Variants in ADAM12 observed in about 807,000 individuals in gnomAD.
ADAM12 encodes ADAM metallopeptidase domain 12, also known as disintegrin and metalloproteinase domain-containing protein 12.
Under a neutral mutation model 106.4 loss-of-function variants are expected in ADAM12, and 70 were observed. The ratio of observed to expected loss-of-function variants is 0.66; its 90% CI spans 0.54 to 0.80. The LOEUF is 0.80. ADAM12 is among the 30% of genes least tolerant of loss of function. ADAM12 has a pLI of 0.00. For synonymous variants in ADAM12, 420 were observed against 433.5 expected (o/e 0.97, Z 0.39); for missense variants, 1,010 against 1,171.9 (o/e 0.86, Z 2.02).
chr10:126,036,054 A>C, intron 21 of ADAM12, 92 bp downstream of exon 21: 6 of 1,161,786 alleles, frequency 5.2e-6, no homozygotes, highest in Non-Finnish European at 6.7e-6. Context: ...AGAGGCACCG[A>C]GAAGTTAAGC....
chr10:126,280,831 C>G (rs1959539022), intron 2 of ADAM12, among the ~76,000 whole-genome samples: 1 of 152,120 alleles, frequency 6.6e-6, no homozygotes, highest in South Asian at 2.1e-4. Context: ...TGGATTTACT[C>G]TAGCAAAAGA....
intron 3 of ADAM12, among the ~76,000 whole-genome samples, chr10:126,216,403 C>A (rs986865181): frequency 2.6e-5 from 4 of 152,224 alleles, no homozygotes; most frequent in African/African-American, 4.8e-5. Context: ...CACAAGTCAG[C>A]CTGCTGAGGC....
chr10:126,364,112 A>G (rs1416157521), intron 1 of ADAM12, among the ~76,000 whole-genome samples: 1 of 152,166 alleles, frequency 6.6e-6, no homozygotes, highest in Non-Finnish European at 1.5e-5. Flanking sequence ...ATGTCTAAAA[A>G]AAGTTAATAA....
At chr10:126,082,118 C>A (rs1223494482) in intron 11 of ADAM12, among the ~76,000 whole-genome samples, 1 of 152,108 alleles carries the variant, frequency 6.6e-6, no homozygotes, top group Non-Finnish European at 1.5e-5. Flanking sequence ...CACAACCAAC[C>A]AATGAAGCAA....
At chr10:126,080,630 C>A (rs946791448) in intron 11 of ADAM12, among the ~76,000 whole-genome samples, 1 of 152,138 alleles carries the variant, frequency 6.6e-6, no homozygotes, top group African/African-American at 2.4e-5. Flanking sequence ...TTTTGTTAGC[C>A]TTGCTTTCCT....
At chr10:126,124,970 A>G (rs1348479532) in intron 5 of ADAM12, among the ~76,000 whole-genome samples, 2 of 151,528 alleles carry the variant, frequency 1.3e-5, no homozygotes, top group Non-Finnish European at 2.9e-5. Context: ...AATAGCAGCT[A>G]TGATGTATGA....
At chr10:126,350,914 G>A (rs549180812) in intron 1 of ADAM12, among the ~76,000 whole-genome samples, 9 of 152,244 alleles carry the variant, frequency 5.9e-5, no homozygotes, top group South Asian at 2.1e-4. Context: ...AACTGCTGCC[G>A]ACCCCCGGAG....
rs780592906 is a variant in ADAM12, at chr10:126,038,264, G to A, written c.2326C>T (p.Pro776Ser). The change falls in exon 20 of 23, where the codon CCG becomes TCG. Residue 776 changes from proline (P) to serine (S), a missense_variant. Around this residue, in one of 3 missense-constraint regions of ADAM12, gnomAD observed 615 missense variants for 708.5 expected, o/e 0.87. Coordinates refer to ENST00000448723, the MANE Select transcript of ADAM12 (RefSeq NM_001288973.2). ...GHLGKGLMRK[P>S]PDSYPPKDNP... ...ACCTTCGGTGGGTAGGAATCTGGCG[G>A]CTTCCTCATCAGGCCTTTTCCAAGG... 1.6e-5 allele frequency: 26 copies of A among 1,611,348 alleles called. No homozygotes were observed. Among genetic ancestry groups the A allele is most frequent in the African/African-American group, 2.7e-5 (2 of 74,892 alleles).
Position 126,135,600 on chromosome 10 carries a change from T to C in ADAM12, c.400A>G (p.Thr134Ala). Residue 134 changes from threonine to alanine, a missense_variant, in exon 5 of 23, where the codon ACG becomes GCG. By Grantham distance (58) the Thr-to-Ala change is moderately conservative (BLOSUM62 0). Around this residue, in one of 3 missense-constraint regions of ADAM12, gnomAD observed 391 missense variants for 442.9 expected, o/e 0.88. Coordinates refer to ENST00000448723, the MANE Select transcript of ADAM12 (RefSeq NM_001288973.2). ...GYSDSAVSLSTCSGLRGLIVF... is the reference protein window; with the variant it reads ...GYSDSAVSLSACSGLRGLIVF... The stretch of plus-strand genomic sequence containing the variant: ...GCCACTTACCTGAGACCAGAACACG[T>C]GCTGAGACTGACTGCTGAATCAGAA... 1 of 1,614,190 alleles carries C rather than the reference T, an allele frequency of 6.2e-7. No homozygotes were observed. Among genetic ancestry groups the C allele is most frequent in the Non-Finnish European group, 8.5e-7 (1 of 1,180,020 alleles).
At chr10:126,039,506 T>C (rs1172739598) in intron 18 of ADAM12, 77 bp from the exon 19 acceptor site, 1 of 1,570,572 alleles carries the variant, frequency 6.4e-7, no homozygotes, top group East Asian at 2.3e-5. Context: ...GTGACGTTTA[T>C]GGCAAAGTGA....
intron 1 of ADAM12, among the ~76,000 whole-genome samples, chr10:126,335,919 G>A (rs1854682247): frequency 6.6e-6 from 1 of 151,918 alleles, no homozygotes; most frequent in Non-Finnish European, 1.5e-5. Flanking sequence ...TTCCCAAAGA[G>A]GTACGCTCTA....
At chr10:126,113,507 T>C (rs1329970364) in intron 6 of ADAM12, among the ~76,000 whole-genome samples, 1 of 147,114 alleles carries the variant, frequency 6.8e-6, no homozygotes, top group Non-Finnish European at 1.5e-5. Context: ...TAAAAACAGA[T>C]AAATTAGCCA....
intron 21 of ADAM12, among the ~76,000 whole-genome samples, chr10:126,025,015 A>G (rs370715284): frequency 1.3e-5 from 2 of 152,122 alleles, no homozygotes; most frequent in African/African-American, 4.8e-5. Flanking sequence ...AGACTGTTAA[A>G]CAGAAAACAA....
intron 1 of ADAM12, among the ~76,000 whole-genome samples, chr10:126,333,164 C>T (rs533322812): frequency 3.9e-5 from 6 of 152,302 alleles, no homozygotes; most frequent in East Asian, 1.9e-4. Flanking sequence ...TCCACATAAA[C>T]GAACCAGTTT....
chr10:126,119,233 G>A (rs1956042231), intron 5 of ADAM12, among the ~76,000 whole-genome samples: 1 of 152,252 alleles, frequency 6.6e-6, no homozygotes, highest in Middle Eastern at 3.4e-3. Flanking sequence ...GTGGCCTCTG[G>A]AGTCTGGAAG....
intron 3 of ADAM12, among the ~76,000 whole-genome samples, chr10:126,160,520 C>T (rs868489399): frequency 8.1e-4 from 123 of 152,238 alleles, no homozygotes; most frequent in African/African-American, 2.6e-3. Flanking sequence ...GACCTGATAT[C>T]GGAACTCCTT....
rs532043904 is a variant in ADAM12, at chr10:126,117,936, G to A, written c.603+102C>T. The A allele has an allele frequency of 1.6e-4, 219 of 1,343,648 alleles. 1 individual carries two copies. The highest frequency in any genetic ancestry group is 1.1e-3 in the African/African-American group (75 of 69,058). 83.2% of individuals were successfully genotyped at this position (1,343,648 alleles called of 1,614,324 possible). A position where few individuals can be genotyped will look rare whatever the true frequency, so the allele number is the denominator to read the frequency against. ...TGGGCACTTCCATCCCCCAGATGCC[G>A]CATCATCTAGATGGCAACATTTCTC... On this transcript the variant is annotated intron_variant, in intron 6 of 22. Transcript: ENST00000448723.
chr10:126,049,898 T>C lies in ADAM12; in HGVS notation c.1610-229A>G, dbSNP rs1223775788. 6.6e-6 allele frequency among the ~76,000 whole-genome samples: 1 copy of C among 152,188 alleles called. No individual in the cohort carries two copies. The highest frequency in any genetic ancestry group is 1.5e-5 in the Non-Finnish European group (1 of 68,040). On this transcript the variant is annotated intron_variant, in intron 14 of 22. Transcript: ENST00000448723. This position sits in a 1 kb window ranked among gnomAD's most constrained non-coding sequence, Gnocchi z 4.4. ...ACATGTTCCAATGCTTACTCTTCCT[T>C]AGGTCTGCTCTCTGGGCTTGTGGCA...
intron 3 of ADAM12, among the ~76,000 whole-genome samples, chr10:126,185,367 T>G (rs1448514839): frequency 6.6e-6 from 1 of 152,236 alleles, no homozygotes. Flanking sequence ...ATAGCCTTAG[T>G]GAAATGACTC....
Sources: gnomAD v4.1 joint callset for allele counts (sites outside exome capture counted in the v4.1 genomes callset) on GRCh38, gnomAD v4.1.1 for gene constraint, gnomAD v4.1.1 regional missense constraint, Gnocchi (gnomAD v3.1) non-coding constraint, MANE v1.5 for transcripts, NCBI Gene and HGNC (gene_info 2026-07-23, HGNC 2026-07-21) for gene names.